The following RBFOX1 variants were observed in gnomAD, a reference collection of about 807,000 sequenced individuals.
RBFOX1 encodes the protein RNA binding protein fox-1 homolog 1.
In RBFOX1, 8 loss-of-function variants were observed where a neutral mutation model predicts 57.7. The observed-to-expected ratio is 0.14, with a 90% confidence interval of 0.08 to 0.25. The LOEUF (loss-of-function observed/expected upper bound fraction) is 0.25. Ranked by LOEUF, RBFOX1 falls within the 10% of genes least tolerant of loss-of-function variation. The pLI is 1.00. For missense variants in RBFOX1, 611 were observed against 548.5 expected (o/e 1.11, Z -1.14); for synonymous variants, 326 against 222.4 (o/e 1.47, Z -4.15).
chr16:6,901,524 AG>A (rs772294734), intron 3 of RBFOX1, among the ~76,000 whole-genome samples: 45 of 152,314 alleles, frequency 3.0e-4, no homozygotes, highest in Non-Finnish European at 5.9e-4. Flanking sequence ...GTTCATGTCT[AG>A]TTAAGCAAAT....
At chr16:5,688,799 T>C (rs745717019) in intron 3 of RBFOX1, among the ~76,000 whole-genome samples, 1 of 152,154 alleles carries the variant, frequency 6.6e-6, no homozygotes, top group Non-Finnish European at 1.5e-5. Flanking sequence ...CTTGAGAAAG[T>C]GGAATGGAGC....
intron 3 of RBFOX1, chr16:6,704,683 C>G (rs777728605): frequency 3.3e-5 from 5 of 152,252 alleles, no homozygotes; most frequent in Non-Finnish European, 5.9e-5. Context: ...CTATTTATCC[C>G]AAATCCATAT....
intron 1 of RBFOX1, among the ~76,000 whole-genome samples, chr16:5,454,813 C>CT (rs1481485103): frequency 3.3e-5 from 4 of 122,090 alleles, no homozygotes; most frequent in African/African-American, 1.3e-4. Context: ...CTTTCCCTTT[C>CT]CTTTCCTTTC....
intron 14 of RBFOX1, among the ~76,000 whole-genome samples, chr16:7,702,576 G>C (rs2081109864): frequency 6.6e-6 from 1 of 152,240 alleles, no homozygotes; most frequent in Non-Finnish European, 1.5e-5. Flanking sequence ...AGAGAAGGAA[G>C]TAAAGCAGTA....
chr16:5,913,974 G>A (rs1290460115), intron 4 of RBFOX1, among the ~76,000 whole-genome samples: 5 of 152,234 alleles, frequency 3.3e-5, no homozygotes, highest in Admixed American at 6.5e-5. Context: ...GTCAGTGGTG[G>A]TAAGGAACTT....
chr16:7,027,027 C>G (rs1042647964), intron 3 of RBFOX1, among the ~76,000 whole-genome samples: 11 of 152,250 alleles, frequency 7.2e-5, no homozygotes, highest in African/African-American at 2.2e-4. Context: ...AGCCCACACA[C>G]TCCTCCATTC....
At chr16:6,609,532 C>T (rs780447622) in intron 2 of RBFOX1, among the ~76,000 whole-genome samples, 12 of 151,980 alleles carry the variant, frequency 7.9e-5, no homozygotes, top group Non-Finnish European at 1.2e-4. Context: ...TTTGTAACAA[C>T]GGGGTTTCAC....
At chr16:6,405,039 A>G (rs2093225524) in intron 2 of RBFOX1, among the ~76,000 whole-genome samples, 1 of 152,116 alleles carries the variant, frequency 6.6e-6, no homozygotes, top group Non-Finnish European at 1.5e-5. Flanking sequence ...ACTGCTAAGT[A>G]TTTATGCCTG....
intron 1 of RBFOX1, among the ~76,000 whole-genome samples, chr16:6,048,723 A>G (rs1241910376): frequency 6.6e-6 from 1 of 152,168 alleles, no homozygotes; most frequent in East Asian, 1.9e-4. Flanking sequence ...TGAGAAGGAT[A>G]GTTGCAACAG....
chr16:7,648,771 G>T (rs894133313), intron 11 of RBFOX1, among the ~76,000 whole-genome samples: 2 of 152,072 alleles, frequency 1.3e-5, no homozygotes, highest in Non-Finnish European at 2.9e-5. Flanking sequence ...CTTTTCCCCT[G>T]AACAAGAAAC....
intron 3 of RBFOX1, among the ~76,000 whole-genome samples, chr16:6,893,776 G>A (rs1377705334): frequency 1.3e-5 from 2 of 152,166 alleles, no homozygotes; most frequent in East Asian, 1.9e-4. Context: ...ATCATCTGGT[G>A]AGAAGTATTC....
chr16:6,474,241 C>G (rs997997764), intron 2 of RBFOX1, among the ~76,000 whole-genome samples: 1 of 152,166 alleles, frequency 6.6e-6, no homozygotes, highest in Admixed American at 6.5e-5. Context: ...ATTTCGAACA[C>G]TTTAATCCCA....
intron 3 of RBFOX1, among the ~76,000 whole-genome samples, chr16:6,737,849 T>C (rs1049752013): frequency 1.3e-5 from 2 of 152,166 alleles, no homozygotes; most frequent in African/African-American, 4.8e-5. Flanking sequence ...TGCAGACTTT[T>C]CCTAAACAAA....
At chr16:6,387,313 A>G (rs2092346719) in intron 2 of RBFOX1, among the ~76,000 whole-genome samples, 1 of 152,056 alleles carries the variant, frequency 6.6e-6, no homozygotes, top group Admixed American at 6.6e-5. Context: ...CCCCATTGCT[A>G]TTTTGGAATC....
chr16:6,713,689 G>C (rs1307521717), intron 3 of RBFOX1, among the ~76,000 whole-genome samples: 1 of 152,134 alleles, frequency 6.6e-6, no homozygotes, highest in African/African-American at 2.4e-5. Flanking sequence ...GTCCTCCCTT[G>C]TTTTTAGACA....
At chr16:6,812,630 G>C (rs2088998144) in intron 3 of RBFOX1, among the ~76,000 whole-genome samples, 1 of 152,158 alleles carries the variant, frequency 6.6e-6, no homozygotes, top group Admixed American at 6.5e-5. Flanking sequence ...ACCCGCCTCA[G>C]CCTACCACAG....
chr16:5,841,782 T>A (rs1466029716), intron 3 of RBFOX1, among the ~76,000 whole-genome samples: 3 of 152,182 alleles, frequency 2.0e-5, no homozygotes, highest in African/African-American at 7.2e-5. Flanking sequence ...GCAGCCCAGT[T>A]CTCATTTCAG....
chr16:6,180,851 C>T (rs1235887518), intron 1 of RBFOX1, among the ~76,000 whole-genome samples: 1 of 152,132 alleles, frequency 6.6e-6, no homozygotes, highest in Non-Finnish European at 1.5e-5. Flanking sequence ...CAGGTGTGAG[C>T]CACTGCACCT....
intron 3 of RBFOX1, among the ~76,000 whole-genome samples, chr16:6,836,381 C>T (rs1247205194): frequency 2.6e-5 from 4 of 152,282 alleles, no homozygotes; most frequent in East Asian, 3.9e-4. Flanking sequence ...CAGAAGCAAC[C>T]AGAAACCCCA....
Sources: allele counts gnomAD v4.1 joint callset (sites outside exome capture counted in the v4.1 genomes callset), GRCh38; gene constraint gnomAD v4.1.1; transcripts MANE v1.5; gene names NCBI Gene and HGNC (gene_info 2026-07-23, HGNC 2026-07-21).